ZNF469: variants seen among roughly 807,000 people sequenced by gnomAD.
The protein encoded by ZNF469 is zinc finger protein 469.
ZNF469 carries 1 observed loss-of-function variant against 1.0 expected under a neutral mutation model. That is an observed-to-expected ratio of 1.00 (90% CI 0.35 to 4.73). The LOEUF is 4.73. Among genes scored for constraint, ZNF469 ranks in the 30% most tolerant of loss-of-function variants. The probability of loss-of-function intolerance (pLI) is 0.16; values close to 1 mark genes in which losing one functional copy is unlikely to be tolerated. For synonymous variants in ZNF469, 2,703 were observed against 2,363.4 expected (o/e 1.14, Z -4.17); for missense variants, 6,100 against 5,356.3 (o/e 1.14, Z -4.33).
Position 88,432,055 on chromosome 16 carries a change from C to T in ZNF469, c.4585C>T (p.Pro1529Ser), listed in dbSNP as rs1189221030. 1.9e-6 allele frequency: 3 copies of T among 1,550,552 alleles called. No homozygotes were observed. Among genetic ancestry groups the T allele is most frequent in the East Asian group, 4.9e-5 (2 of 40,916 alleles). ...SGGKVLSKTC[P>S]PERTVVPGAA... The stretch of plus-strand genomic sequence containing the variant: ...GGGAAAGGTGCTCAGTAAGACGTGT[C>T]CCCCTGAACGGACAGTGGTTCCCGG... Residue 1529 changes from proline to serine, a missense_variant, in exon 3 of 3, where the codon CCC becomes TCC. Physicochemically the swap from Pro to Ser is moderately conservative, Grantham distance 74. Coordinates refer to ENST00000565624, the MANE Select transcript of ZNF469 (RefSeq NM_001367624.2).
the ZNF469 span, among the ~76,000 whole-genome samples, chr16:88,196,928 A>G: frequency 1.6e-4 from 24 of 152,194 alleles, 1 homozygote; most frequent in East Asian, 4.3e-3. Context: ...CCTTAGGGAG[A>G]TGCCTTGGGA....
the ZNF469 span, among the ~76,000 whole-genome samples, chr16:88,305,285 C>T: frequency 8.3e-5 from 12 of 145,152 alleles, no homozygotes; most frequent in African/African-American, 3.1e-4. Context: ...TGCTCTCAGG[C>T]ACACACACAC....
chr16:88,305,591 C>G, the ZNF469 span, among the ~76,000 whole-genome samples: 1 of 151,360 alleles, frequency 6.6e-6, no homozygotes, highest in East Asian at 2.0e-4. Context: ...GGCACACACG[C>G]ACACCCTCAC....
At chr16:88,285,042 T>C in the ZNF469 span, among the ~76,000 whole-genome samples, 107,851 of 152,258 alleles carry the variant, frequency 0.71, 38,611 homozygotes, top group East Asian at 0.92. Context: ...GGGTCTCAGG[T>C]TCCCAGGCTA....
At chr16:88,358,130 C>T in the ZNF469 span, among the ~76,000 whole-genome samples, 1 of 152,232 alleles carries the variant, frequency 6.6e-6, no homozygotes, top group Non-Finnish European at 1.5e-5. Context: ...CCACCTCCCC[C>T]AGGCCCCCAG....
chr16:88,167,884 T>A, the ZNF469 span, among the ~76,000 whole-genome samples: 1 of 152,218 alleles, frequency 6.6e-6, no homozygotes, highest in African/African-American at 2.4e-5. Context: ...ATGAGAATAA[T>A]GTTGGCTTCG....
the ZNF469 span, among the ~76,000 whole-genome samples, chr16:88,252,656 A>G: frequency 2.0e-5 from 3 of 152,262 alleles, no homozygotes; most frequent in Non-Finnish European, 2.9e-5. Context: ...TGATATCTAT[A>G]GAGACTATGA....
the ZNF469 span, among the ~76,000 whole-genome samples, chr16:88,193,139 T>G: frequency 4.3e-5 from 1 of 23,086 alleles, no homozygotes; most frequent in South Asian, 1.8e-3. Flanking sequence ...GTGATGGTGG[T>G]GATGGTGGTG....
chr16:88,431,100 G>A lies in ZNF469; in HGVS notation c.3630G>A (p.Glu1210=). 1 of 1,550,216 alleles carries A rather than the reference G, an allele frequency of 6.5e-7. No homozygotes were observed. The highest frequency in any genetic ancestry group is 8.7e-7 in the Non-Finnish European group (1 of 1,146,954). ...CCCTGCAGGTCCCCACCAACACCGA[G>A]ACCTCAGAGGAAACCCGCCCGTCGC... ...KDPLQVPTNT[E]TSEETRPSLD... Residue 1210 remains glutamate, a synonymous_variant, in exon 3 of 3, where the codon GAG becomes GAA. Transcript: ENST00000565624.
At position 88,434,123 on chromosome 16, in the gene ZNF469, A is replaced by G. The variant is rs1906397059; in HGVS notation, c.6653A>G (p.Glu2218Gly). 1.3e-6 allele frequency: 2 copies of G among 1,550,142 alleles called. No individual in the cohort carries two copies. The highest frequency in any genetic ancestry group is 1.7e-4 in the Middle Eastern group (1 of 5,990). ...EALAGCLLQG[E>G]GSPLEDPSSW... Reference sequence around the variant, plus strand: ...CTGGCTGGTTGCCTTCTCCAGGGGGAGGGCAGCCCCCTGGAAGACCCTTCC... The same window carrying G: ...CTGGCTGGTTGCCTTCTCCAGGGGGGGGGCAGCCCCCTGGAAGACCCTTCC... Residue 2218 changes from glutamate (E) to glycine (G), a missense_variant, in exon 3 of 3, where the codon GAG becomes GGG. Physicochemically the swap from Glu to Gly is moderately conservative, Grantham distance 98. Coordinates refer to ENST00000565624, the MANE Select transcript of ZNF469 (RefSeq NM_001367624.2).
At chr16:88,157,169 G>A in the ZNF469 span, among the ~76,000 whole-genome samples, 30 of 151,856 alleles carry the variant, frequency 2.0e-4, no homozygotes, top group African/African-American at 5.5e-4. Context: ...CGGCGCCACC[G>A]AGGGACATGC....
chr16:88,126,061 T>A, the ZNF469 span, among the ~76,000 whole-genome samples: 7 of 151,604 alleles, frequency 4.6e-5, no homozygotes, highest in Admixed American at 4.6e-4. Flanking sequence ...TGGTGGTGGG[T>A]GCCTGTAATC....
the ZNF469 span, among the ~76,000 whole-genome samples, chr16:88,338,480 G>A: frequency 9.8e-5 from 15 of 152,322 alleles, no homozygotes; most frequent in African/African-American, 3.4e-4. Flanking sequence ...CCCCCAGGGT[G>A]TGTTTGCCCC....
chr16:88,158,999 T>G, the ZNF469 span, among the ~76,000 whole-genome samples: 7 of 152,072 alleles, frequency 4.6e-5, no homozygotes, highest in African/African-American at 1.7e-4. Flanking sequence ...ATGGGGTGGG[T>G]CAGTTTGTAC....
In ZNF469 at chr16:88,427,790, G is replaced by A; in HGVS notation, c.320G>A (p.Arg107Lys). ...AGAAGCCCCTTGCAGGCTCCCTCAA[G>A]GCTGGCGGGCAGGGCAGAGGGCAGC... is the stretch of plus-strand genomic sequence containing the variant. ...PGRSPLQAPS[R>K]LAGRAEGSPP... Residue 107 changes from arginine (R) to lysine (K), a missense_variant, in exon 3 of 3, where the codon AGG becomes AAG. Arg to Lys is a conservative substitution (Grantham distance 26). Coordinates refer to ENST00000565624, the MANE Select transcript of ZNF469 (RefSeq NM_001367624.2). The A allele has an allele frequency of 6.5e-7, 1 of 1,547,316 alleles. No individual in the cohort carries two copies. Among genetic ancestry groups the A allele is most frequent in the Non-Finnish European group, 8.7e-7 (1 of 1,146,746 alleles).
chr16:88,364,443 C>CT, the ZNF469 span, among the ~76,000 whole-genome samples: 1 of 125,214 alleles, frequency 8.0e-6, no homozygotes, highest in African/African-American at 3.2e-5. Flanking sequence ...TTGTTCCTTG[C>CT]TTTTCCACAC....
rs1597206067 is a variant in ZNF469, at chr16:88,428,191, A to G, written c.721A>G (p.Asn241Asp). The change falls in exon 3 of 3, where the codon AAT (asparagine) becomes GAT (aspartate). Residue 241 changes from asparagine (N) to aspartate (D), a missense_variant. By Grantham distance (23) the Asn-to-Asp change is conservative. Coordinates refer to ENST00000565624, the MANE Select transcript of ZNF469 (RefSeq NM_001367624.2). Reference sequence around the variant, plus strand: ...CGACTCCTGGCCTCCCGCTGCTGAGAATAGCTTCCCAGGTGCTAATTTCGG... The same window carrying G: ...CGACTCCTGGCCTCCCGCTGCTGAGGATAGCTTCCCAGGTGCTAATTTCGG... ...GADSWPPAAE[N>D]SFPGANFGVP... 1 of 1,550,206 alleles carries G rather than the reference A, an allele frequency of 6.5e-7. No homozygotes were observed. Among genetic ancestry groups the G allele is most frequent in the Non-Finnish European group, 8.7e-7 (1 of 1,146,904 alleles).
At chr16:88,378,273 T>G (rs911607431), upstream of ZNF469, among the ~76,000 whole-genome samples, 1 of 152,222 alleles carries the variant, frequency 6.6e-6, no homozygotes, top group Non-Finnish European at 1.5e-5. Flanking sequence ...CGGGCCTGTT[T>G]GTGCCCTTTT....
chr16:88,221,858 C>G, the ZNF469 span, among the ~76,000 whole-genome samples: 104 of 152,310 alleles, frequency 6.8e-4, no homozygotes, highest in African/African-American at 2.3e-3. Context: ...CACTCTGCCT[C>G]TGCTGTCCCG....
Sources: allele counts gnomAD v4.1 joint callset (sites outside exome capture counted in the v4.1 genomes callset), GRCh38; gene constraint gnomAD v4.1.1; transcripts MANE v1.5; gene names NCBI Gene and HGNC (gene_info 2026-07-23, HGNC 2026-07-21).